Variants in UBASH3A observed in about 807,000 individuals in gnomAD.
The protein encoded by UBASH3A is ubiquitin associated and SH3 domain containing A.
Under a neutral mutation model 73.5 loss-of-function variants are expected in UBASH3A, and 63 were observed. The ratio of observed to expected loss-of-function variants is 0.86; its 90% CI spans 0.70 to 1.06. UBASH3A has a LOEUF of 1.06. UBASH3A is among the 50% of genes least tolerant of loss of function. UBASH3A has a pLI of 0.00. For synonymous variants in UBASH3A, 363 were observed against 351.1 expected (o/e 1.03, Z -0.38); for missense variants, 860 against 859.0 (o/e 1.00, Z -0.02).
intron 3 of UBASH3A, among the ~76,000 whole-genome samples, chr21:42,411,403 T>C (rs2053092589): frequency 6.6e-6 from 1 of 150,572 alleles, no homozygotes; most frequent in Non-Finnish European, 1.5e-5. Flanking sequence ...AACACAGACA[T>C]GCACATACAT....
chr21:42,412,495 G>A (rs1350650747), intron 3 of UBASH3A, among the ~76,000 whole-genome samples: 1 of 152,196 alleles, frequency 6.6e-6, no homozygotes, highest in East Asian at 1.9e-4. Context: ...GAGAGGGTTG[G>A]AGGCAGGCAG....
At chr21:42,444,395 A>G (rs2053809752) in intron 13 of UBASH3A, 139 bp from the exon 14 acceptor site, 1 of 700,432 alleles carries the variant, frequency 1.4e-6, no homozygotes, top group Non-Finnish European at 2.6e-6. Flanking sequence ...TACCAGCCAC[A>G]CTACTTCTAG....
rs2053210777 is a variant in UBASH3A at position 42,416,503 on chromosome 21, C to T, written c.729C>T (p.Pro243=). The T allele has an allele frequency of 1.2e-6, 2 of 1,611,510 alleles. No homozygotes were observed. The highest frequency in any genetic ancestry group is 4.5e-5 in the East Asian group (2 of 44,504). Residue 243 remains proline (P), a synonymous_variant, in exon 6 of 15, where the codon CCC becomes CCT. Coordinates refer to ENST00000319294, the MANE Select transcript of UBASH3A (RefSeq NM_018961.4). Reference sequence around the variant, plus strand: ...TGACCTTGGCCCACAAGTTCTACCCCCACCACCAGAGGACGCTGGAGCAGC... The same window carrying T: ...TGACCTTGGCCCACAAGTTCTACCCTCACCACCAGAGGACGCTGGAGCAGC... ...LHLTLAHKFY[P]HHQRTLEQLA...
At chr21:42,420,814 GA>G (rs2146535635) in intron 7 of UBASH3A, among the ~76,000 whole-genome samples, 1 of 152,326 alleles carries the variant, frequency 6.6e-6, no homozygotes, top group African/African-American at 2.4e-5. Context: ...GACCTGCTCA[GA>G]ATAACCTTGC....
intron 9 of UBASH3A, among the ~76,000 whole-genome samples, chr21:42,434,419 G>A (rs929845497): frequency 6.6e-6 from 1 of 152,196 alleles, no homozygotes; most frequent in Admixed American, 6.5e-5. Flanking sequence ...CAAGCACTCT[G>A]TCCCCTGAGC....
intron 8 of UBASH3A, among the ~76,000 whole-genome samples, chr21:42,429,362 G>A (rs1482713444): frequency 1.3e-5 from 2 of 152,166 alleles, no homozygotes; most frequent in Admixed American, 1.3e-4. Context: ...GTGCAGCCCT[G>A]CCTCATTCCA....
chr21:42,405,617 C>T (rs1282012896), intron 1 of UBASH3A, among the ~76,000 whole-genome samples: 1 of 152,222 alleles, frequency 6.6e-6, no homozygotes, highest in Non-Finnish European at 1.5e-5. Flanking sequence ...GTGGTGGGTT[C>T]CTCATGGACG....
At chr21:42,412,081 T>C (rs997908093) in intron 3 of UBASH3A, among the ~76,000 whole-genome samples, 11 of 151,618 alleles carry the variant, frequency 7.3e-5, no homozygotes, top group African/African-American at 2.2e-4. Context: ...GCCAGGAGGG[T>C]GTGGTGTCTG....
In UBASH3A at chr21:42,418,540, G is replaced by A. The variant is rs756262028; in HGVS notation, c.977G>A (p.Gly326Asp). Residue 326 changes from glycine (G) to aspartate (D), a missense_variant, in exon 7 of 15, where the codon GGC becomes GAC. Transcript: ENST00000319294. ...GWVIGISQRT[G>D]CRGFLPENYT... The stretch of plus-strand genomic sequence containing the variant: ...GTGATTGGGATCTCACAGCGGACGG[G>A]CTGCCGGGGCTTCCTGCCGGAAAAC... 1.9e-6 allele frequency: 3 copies of A among 1,614,170 alleles called. No individual in the cohort carries two copies. The East Asian group carries it at 6.7e-5, about 36-fold the overall frequency.
At chr21:42,408,710 A>C (rs531402375) in intron 2 of UBASH3A, among the ~76,000 whole-genome samples, 1 of 151,902 alleles carries the variant, frequency 6.6e-6, no homozygotes, top group Non-Finnish European at 1.5e-5. Flanking sequence ...ATGAACTCCT[A>C]TGTTGGGTCA....
chr21:42,443,080 A>G (rs2053776693), intron 12 of UBASH3A: 2 of 1,303,764 alleles, frequency 1.5e-6, no homozygotes, highest in Non-Finnish European at 2.0e-6. Flanking sequence ...CCCATGTCTG[A>G]CTCTGCCATC....
rs187954954 is a variant in UBASH3A, at chr21:42,443,695, G to A, written c.1738+277G>A. 4.9e-3 allele frequency among the ~76,000 whole-genome samples: 686 copies of A among 139,808 alleles called. 5 individuals carry two copies. The highest frequency in any genetic ancestry group is 0.018 in the African/African-American group (648 of 36,850). The allele number at this position is 139,808 out of a possible 152,430, so 91.7% of individuals were successfully genotyped here. A position where few individuals can be genotyped will look rare whatever the true frequency, so the allele number is the denominator to read the frequency against. ...ATGATCTCTGAGATGGAAATTGGCC[G>A]ATTTTCTGAACCTATGAATGCCCCC... On this transcript the variant is annotated intron_variant, in intron 13 of 14. Transcript: ENST00000319294.
At chr21:42,444,849 C>T (rs1468318646) in intron 14 of UBASH3A, among the ~76,000 whole-genome samples, 4 of 152,220 alleles carry the variant, frequency 2.6e-5, no homozygotes, top group Non-Finnish European at 5.9e-5. Flanking sequence ...TCAACCTCAT[C>T]ATCATTGGCC....
Position 42,406,297 on chromosome 21 carries a change from C to T in UBASH3A, c.114-11C>T, listed in dbSNP as rs1244639507. The T allele has an allele frequency of 6.2e-7, 1 of 1,613,560 alleles. No homozygotes were observed. Among genetic ancestry groups the T allele is most frequent in the Non-Finnish European group, 8.5e-7 (1 of 1,179,462 alleles). ...CGACGTGACTTTGTGTCTGTGTCTG[C>T]TCTTCTGCAGGCTGAAAGCGTTGGC... On this transcript the variant is annotated splice_polypyrimidine_tract_variant and intron_variant, in intron 1 of 14. Coordinates refer to ENST00000319294, the MANE Select transcript of UBASH3A (RefSeq NM_018961.4).
In UBASH3A at chr21:42,437,413, G is replaced by A. The variant is rs907704437; in HGVS notation, c.1394-75G>A. ...CCTTTGAGGACCCTGCCTACCACAGGGAGCACATGGCTCATCTGCCATCAG... is the reference window on the plus strand; with the variant it reads ...CCTTTGAGGACCCTGCCTACCACAGAGAGCACATGGCTCATCTGCCATCAG... On this transcript the variant is annotated intron_variant, in intron 10 of 14. Transcript: ENST00000319294. 6 of 1,387,026 alleles carry A rather than the reference G, an allele frequency of 4.3e-6. No homozygotes were observed. In the South Asian group the frequency reaches 4.7e-5, roughly 11 times the overall value. The allele number at this position is 1,387,026 out of a possible 1,614,324, so 85.9% of individuals were successfully genotyped here.
chr21:42,423,116 G>C (rs562363774), intron 7 of UBASH3A, among the ~76,000 whole-genome samples: 3 of 152,348 alleles, frequency 2.0e-5, no homozygotes, highest in African/African-American at 7.2e-5. Flanking sequence ...ACAAAGCCAG[G>C]GCTGAGGTTT....
At chr21:42,404,344 G>A (rs1459033406) in intron 1 of UBASH3A, among the ~76,000 whole-genome samples, 1 of 152,090 alleles carries the variant, frequency 6.6e-6, no homozygotes, top group Non-Finnish European at 1.5e-5. Context: ...TGTGTTGGCT[G>A]CCCAACACAA....
intron 8 of UBASH3A, among the ~76,000 whole-genome samples, chr21:42,429,306 T>C (rs1035736219): frequency 1.3e-5 from 2 of 152,224 alleles, no homozygotes; most frequent in Non-Finnish European, 1.5e-5. Context: ...CAGCCTGTTA[T>C]GGCAGCCCCA....
At position 42,437,564 on chromosome 21, in the gene UBASH3A, C is replaced by G; in HGVS notation, c.1470C>G (p.Ala490=). The G allele has an allele frequency of 6.2e-7, 1 of 1,614,128 alleles. No homozygotes were observed. Among genetic ancestry groups the G allele is most frequent in the East Asian group, 2.2e-5 (1 of 44,884 alleles). The change falls in exon 11 of 15, where the codon GCC becomes GCG. Residue 490 remains alanine, a synonymous_variant. Transcript: ENST00000319294. The part of the protein sequence containing the change: ...ASPALRCVQT[A]KLILEELKLE... ...CAGCCCTCCGCTGTGTGCAGACGGC[C>G]AAACTCATCCTGGAAGGTCAGTGAG...
Sources: gnomAD v4.1 joint callset for allele counts (sites outside exome capture counted in the v4.1 genomes callset) on GRCh38, gnomAD v4.1.1 for gene constraint, MANE v1.5 for transcripts, NCBI Gene and HGNC (gene_info 2026-07-23, HGNC 2026-07-21) for gene names.